DCC: variants seen among roughly 807,000 people sequenced by gnomAD.
The protein encoded by DCC is netrin receptor DCC.
Under a neutral mutation model 172.5 loss-of-function variants are expected in DCC, and 58 were observed. The ratio of observed to expected loss-of-function variants is 0.34; its 90% confidence interval spans 0.27 to 0.42. The LOEUF is 0.42. Among genes scored for constraint, DCC ranks in the 10% least tolerant of loss-of-function variants. The probability of loss-of-function intolerance (pLI) is 1.00; values close to 1 mark genes in which losing one functional copy is unlikely to be tolerated. For synonymous variants in DCC, 709 were observed against 644.5 expected, an observed-to-expected ratio of 1.10 and a Z score of -1.52; for missense variants, 1,740 against 1,791.0, an observed-to-expected ratio of 0.97 and a Z score of 0.51.
chr18:52,467,057 TA>T (rs1988807396), intron 1 of DCC, among the ~76,000 whole-genome samples: 1 of 151,212 alleles, frequency 6.6e-6, no homozygotes. Context: ...AAAAAAAATA[TA>T]TATATATATT....
intron 15 of DCC, among the ~76,000 whole-genome samples, chr18:53,349,979 G>A (rs1007147169): frequency 1.3e-5 from 2 of 152,138 alleles, no homozygotes; most frequent in African/African-American, 4.8e-5. Flanking sequence ...GGCTTAGGCA[G>A]TTAAATAATC....
intron 2 of DCC, among the ~76,000 whole-genome samples, chr18:52,895,505 T>G (rs2039715348): frequency 6.6e-6 from 1 of 152,188 alleles, no homozygotes; most frequent in South Asian, 2.1e-4. Context: ...TTAGAAACAT[T>G]AGGAAAGTTT....
Position 53,391,670 on chromosome 18 carries a change from T to G in DCC, c.2471T>G (p.Val824Gly), listed in dbSNP as rs758484276. The change falls in exon 17 of 29, where the codon GTT becomes GGT. Residue 824 changes from valine (V) to glycine (G), a missense_variant. By Grantham distance (109) the Val-to-Gly change is moderately radical. Coordinates refer to ENST00000442544, the MANE Select transcript of DCC (RefSeq NM_005215.4). Reference sequence around the variant, plus strand: ...TTAAACCCAGATCCCACTGACCCAGTTGATTATTATCCTTTGCTTGATGAT... The same window carrying G: ...TTAAACCCAGATCCCACTGACCCAGGTGATTATTATCCTTTGCTTGATGAT... ...TRSITDPTDP[V>G]DYYPLLDDFP... 2.1e-5 allele frequency: 34 copies of G among 1,613,628 alleles called. No individual in the cohort carries two copies. The highest frequency in any genetic ancestry group is 8.5e-7 in the Non-Finnish European group (1 of 1,179,626).
At chr18:53,503,091 G>A (rs1340815853) in intron 27 of DCC, among the ~76,000 whole-genome samples, 1 of 152,082 alleles carries the variant, frequency 6.6e-6, no homozygotes, top group Non-Finnish European at 1.5e-5. Flanking sequence ...AACACCATCA[G>A]TCTGTGCCTT....
chr18:53,214,801 A>G (rs1031754964), intron 11 of DCC, among the ~76,000 whole-genome samples: 3 of 152,206 alleles, frequency 2.0e-5, no homozygotes, highest in Non-Finnish European at 2.9e-5. Flanking sequence ...AATTACTCAC[A>G]TGATAGAATA....
intron 1 of DCC, among the ~76,000 whole-genome samples, chr18:52,734,387 C>A (rs935186250): frequency 1.3e-5 from 2 of 152,136 alleles, no homozygotes; most frequent in Non-Finnish European, 2.9e-5. Context: ...CCGTATCATA[C>A]ACGTTTTTTT....
chr18:52,352,355 T>G (rs1598854652), intron 1 of DCC, among the ~76,000 whole-genome samples: 1 of 152,306 alleles, frequency 6.6e-6, no homozygotes, highest in East Asian at 1.9e-4. Flanking sequence ...ATTAAGGTAG[T>G]CAGACTCCAA....
chr18:53,205,603 C>T lies in DCC; in HGVS notation c.1722+239C>T, dbSNP rs530855461. Among the ~76,000 whole-genome samples the T allele has an allele frequency of 1.6e-3, 251 of 152,238 alleles. 1 individual carries two copies. Among genetic ancestry groups the T allele is most frequent in the Non-Finnish European group, 3.1e-3 (208 of 68,018 alleles). ...TAAAGTGAAGTCAATAGAAAGGATA[C>T]CAATTTTTTGGTTGAGTCTGCAGTG... On this transcript the variant is annotated intron_variant, in intron 10 of 28. Coordinates refer to ENST00000442544, the MANE Select transcript of DCC (RefSeq NM_005215.4).
intron 1 of DCC, among the ~76,000 whole-genome samples, chr18:52,482,837 T>C (rs1280185453): frequency 6.6e-6 from 1 of 152,190 alleles, no homozygotes; most frequent in Non-Finnish European, 1.5e-5. Context: ...TGATTCTCTT[T>C]ACCCCTTTCG....
chr18:53,364,949 T>A (rs934087319), intron 15 of DCC, among the ~76,000 whole-genome samples: 1 of 152,168 alleles, frequency 6.6e-6, no homozygotes, highest in Admixed American at 6.6e-5. Context: ...TGGAAATTTT[T>A]TCCTATGTTA....
intron 2 of DCC, among the ~76,000 whole-genome samples, chr18:52,766,706 T>C (rs1156239999): frequency 1.3e-5 from 2 of 151,994 alleles, no homozygotes; most frequent in African/African-American, 2.4e-5. Flanking sequence ...TGGCTGAGTA[T>C]GGGGTCTTTA....
At chr18:52,783,203 A>T (rs1264044097) in intron 2 of DCC, among the ~76,000 whole-genome samples, 1 of 152,018 alleles carries the variant, frequency 6.6e-6, no homozygotes, top group Non-Finnish European at 1.5e-5. Context: ...AATGAGTTGG[A>T]CATTCCTACT....
intron 21 of DCC, chr18:53,416,369 TG>T (rs1276931075): frequency 2.9e-6 from 2 of 694,554 alleles, no homozygotes; most frequent in African/African-American, 1.8e-5. Flanking sequence ...GAAATTGTTT[TG>T]TCTCCATTCT....
intron 25 of DCC, among the ~76,000 whole-genome samples, chr18:53,468,357 T>TATTTATTTATTTATTTA (rs2045650237): frequency 1.3e-5 from 1 of 75,946 alleles, no homozygotes; most frequent in Non-Finnish European, 2.9e-5. Flanking sequence ...TTTATTTATT[T>TATTTATTTATTTATTTA]ATTTATTTTA....
intron 7 of DCC, among the ~76,000 whole-genome samples, chr18:53,094,635 T>C (rs772713274): frequency 5.3e-5 from 8 of 152,214 alleles, no homozygotes; most frequent in African/African-American, 1.2e-4. Flanking sequence ...TAGATTACTT[T>C]ATATCTTCAT....
At chr18:52,926,903 G>A (rs1248121388) in intron 5 of DCC, among the ~76,000 whole-genome samples, 2 of 55,250 alleles carry the variant, frequency 3.6e-5, no homozygotes, top group African/African-American at 1.3e-4. Flanking sequence ...ACATATGTGT[G>A]TATATATACG....
chr18:53,393,772 G>T (rs947098576), intron 17 of DCC, among the ~76,000 whole-genome samples: 4 of 152,202 alleles, frequency 2.6e-5, no homozygotes, highest in Non-Finnish European at 5.9e-5. Flanking sequence ...AGTTACTACA[G>T]CAGACATGGA....
chr18:53,523,592 G>A (rs957968269), intron 27 of DCC, among the ~76,000 whole-genome samples: 1 of 152,132 alleles, frequency 6.6e-6, no homozygotes, highest in African/African-American at 2.4e-5. Context: ...AAAAGGATGA[G>A]TTCATGTCCT....
intron 12 of DCC, among the ~76,000 whole-genome samples, chr18:53,291,573 A>G (rs1188710871): frequency 1.3e-5 from 2 of 152,182 alleles, no homozygotes; most frequent in Admixed American, 6.5e-5. Flanking sequence ...CTTAAATTAT[A>G]TACTGGCCCT....
Sources: allele counts gnomAD v4.1 joint callset (sites outside exome capture counted in the v4.1 genomes callset), GRCh38; gene constraint gnomAD v4.1.1; transcripts MANE v1.5; gene names NCBI Gene and HGNC (gene_info 2026-07-23, HGNC 2026-07-21).